The following VPS50 variants were observed in gnomAD, a reference collection of about 807,000 sequenced individuals.
VPS50 encodes the protein VPS50 subunit of EARP/GARPII complex.
VPS50 carries 70 observed loss-of-function variants against 139.7 expected under a neutral mutation model. That is an observed-to-expected ratio of 0.50 (90% CI 0.41 to 0.61). VPS50 has a LOEUF of 0.61. VPS50 is among the 20% of genes least tolerant of loss of function. VPS50 has a pLI of 0.00. For synonymous variants in VPS50, 365 were observed against 376.7 expected (o/e 0.97, Z 0.36); for missense variants, 921 against 1,133.7 (o/e 0.81, Z 2.69).
chr7:93,271,690 C>T (rs934372428), intron 10 of VPS50, among the ~76,000 whole-genome samples: 1 of 151,618 alleles, frequency 6.6e-6, no homozygotes, highest in Admixed American at 6.6e-5. Context: ...CATAGTTCAT[C>T]AAAAACGTAG....
chr7:93,354,290 CT>C (rs1182635599), intron 26 of VPS50, among the ~76,000 whole-genome samples: 36 of 120,326 alleles, frequency 3.0e-4, no homozygotes, highest in African/African-American at 1.1e-3. Context: ...TTTTTCTTTT[CT>C]TTTCTTTCTT....
intron 17 of VPS50, 26 bp from the exon 18 acceptor site, chr7:93,305,802 T>C (rs1357961475): frequency 2.5e-6 from 4 of 1,587,930 alleles, no homozygotes; most frequent in Non-Finnish European, 3.5e-6. Flanking sequence ...TGCTAAAGGG[T>C]ATCTGGCTCC....
intron 27 of VPS50, among the ~76,000 whole-genome samples, chr7:93,357,058 AAAACTTC>A (rs1214010501): frequency 6.6e-6 from 1 of 152,156 alleles, no homozygotes; most frequent in Non-Finnish European, 1.5e-5. Context: ...CAGATTGAGA[AAAACTTC>A]ACCACGTTTA....
intron 21 of VPS50, chr7:93,333,830 T>C: frequency 2.9e-6 from 1 of 347,198 alleles, no homozygotes; most frequent in South Asian, 3.1e-5. Context: ...GTTTTGCAAC[T>C]AAAAATAATG....
chr7:93,303,543 A>G lies in VPS50; in HGVS notation c.1445A>G (p.Gln482Arg). The change falls in exon 17 of 28, where the codon CAA becomes CGA. Residue 482 changes from glutamine to arginine, a missense_variant. Gln to Arg is a conservative substitution (Grantham distance 43). This residue lies in a region of VPS50 where 744 missense variants were observed against 930.6 expected (regional missense o/e 0.80). Coordinates refer to ENST00000305866, the MANE Select transcript of VPS50 (RefSeq NM_017667.4). ...CPVKSNFSIL[Q>R]LHEFKFMEQS... ...GTTAAGTCAAATTTCAGCATCTTGCAACTTCATGTAAGTGTTTCTTAAGAA... is the reference window on the plus strand; with the variant it reads ...GTTAAGTCAAATTTCAGCATCTTGCGACTTCATGTAAGTGTTTCTTAAGAA... 6.8e-7 allele frequency: 1 copy of G among 1,467,972 alleles called. No individual in the cohort carries two copies. Among genetic ancestry groups the G allele is most frequent in the South Asian group, 1.2e-5 (1 of 82,952 alleles). The allele number at this position is 1,467,972 out of a possible 1,614,324, so 90.9% of individuals were successfully genotyped here. A position where few individuals can be genotyped will look rare whatever the true frequency, so the allele number is the denominator to read the frequency against.
chr7:93,247,568 C>T (rs1451801982), intron 2 of VPS50, among the ~76,000 whole-genome samples: 2 of 151,978 alleles, frequency 1.3e-5, no homozygotes, highest in Admixed American at 1.3e-4. Context: ...TGTGAACCCA[C>T]CGTCTGATGC....
At chr7:93,274,965 C>T (rs1335763401) in intron 11 of VPS50, among the ~76,000 whole-genome samples, 1 of 152,074 alleles carries the variant, frequency 6.6e-6, no homozygotes, top group Non-Finnish European at 1.5e-5. Flanking sequence ...GAAGTTGATT[C>T]CAACCTTCAT....
chr7:93,345,031 A>C (rs1181810684), intron 23 of VPS50, among the ~76,000 whole-genome samples: 2 of 152,210 alleles, frequency 1.3e-5, no homozygotes, highest in African/African-American at 2.4e-5. Flanking sequence ...AAAATTAACG[A>C]ATCCAGGAGC....
At chr7:93,272,845 G>A (rs1796049778) in intron 11 of VPS50, 112 bp downstream of exon 11, 1 of 561,862 alleles carries the variant, frequency 1.8e-6, no homozygotes, top group Non-Finnish European at 3.1e-6. Context: ...ATTTAACGAA[G>A]TACATTTTTA....
intron 22 of VPS50, among the ~76,000 whole-genome samples, chr7:93,338,201 A>G (rs921365381): frequency 2.0e-5 from 3 of 152,206 alleles, no homozygotes; most frequent in Admixed American, 1.3e-4. Flanking sequence ...AGGATGAGAT[A>G]CAAGATAGTT....
intron 12 of VPS50, among the ~76,000 whole-genome samples, chr7:93,280,391 G>A (rs1402485241): frequency 1.3e-5 from 2 of 152,032 alleles, no homozygotes; most frequent in Admixed American, 6.6e-5. Flanking sequence ...AAACTTAGCA[G>A]CAAGATTTCC....
At chr7:93,321,768 A>T (rs550745309) in intron 20 of VPS50, among the ~76,000 whole-genome samples, 1 of 152,308 alleles carries the variant, frequency 6.6e-6, no homozygotes, top group Admixed American at 6.5e-5. Context: ...GGGAATGGAG[A>T]GGACCTCGTG....
intron 12 of VPS50, among the ~76,000 whole-genome samples, chr7:93,289,802 A>G (rs940850060): frequency 6.6e-6 from 1 of 152,080 alleles, no homozygotes; most frequent in African/African-American, 2.4e-5. Context: ...TGCCATCTTT[A>G]TCATATACCA....
chr7:93,353,619 G>C, intron 25 of VPS50, 21 bp from the exon 26 acceptor site: 1 of 1,601,280 alleles, frequency 6.2e-7, no homozygotes, highest in Non-Finnish European at 8.5e-7. Flanking sequence ...TTCACAAACA[G>C]CTACCTATTT....
intron 1 of VPS50, among the ~76,000 whole-genome samples, chr7:93,234,521 C>T (rs1433392176): frequency 6.6e-6 from 1 of 152,174 alleles, no homozygotes; most frequent in Non-Finnish European, 1.5e-5. Flanking sequence ...TATGGCTTGA[C>T]TTTCACATAT....
intron 20 of VPS50, chr7:93,320,568 A>C (rs1293842128): frequency 9.4e-6 from 1 of 106,008 alleles, no homozygotes; most frequent in African/African-American, 9.0e-5. Flanking sequence ...TCACCGTGTT[A>C]GCGGGGATGG....
chr7:93,258,396 A>G lies in VPS50; in HGVS notation c.576+4A>G. The G allele has an allele frequency of 6.2e-7, 1 of 1,612,146 alleles. No individual in the cohort carries two copies. On this transcript the variant is annotated splice_donor_region_variant and intron_variant, in intron 8 of 27. Coordinates refer to ENST00000305866, the MANE Select transcript of VPS50 (RefSeq NM_017667.4). Reference sequence around the variant, plus strand: ...ACGGTTAAGTGAAATGCTGGAGGTAAGTTAACAAGTTTTGGAAATTTAGGG... The same window carrying G: ...ACGGTTAAGTGAAATGCTGGAGGTAGGTTAACAAGTTTTGGAAATTTAGGG...
chr7:93,337,281 C>A (rs1798094166), intron 22 of VPS50, among the ~76,000 whole-genome samples: 1 of 152,172 alleles, frequency 6.6e-6, no homozygotes, highest in Non-Finnish European at 1.5e-5. Flanking sequence ...CTAAAGAATG[C>A]TTTTGTGAAA....
At position 93,347,076 on chromosome 7, in the gene VPS50, T is replaced by G. The variant is rs1798417814; in HGVS notation, c.2208-1635T>G. Among the ~76,000 whole-genome samples the G allele has an allele frequency of 1.4e-5, 2 of 147,126 alleles. 1 individual carries two copies. Among genetic ancestry groups the G allele is most frequent in the Admixed American group, 1.5e-4 (2 of 13,382 alleles). ...GGAGAAAATTTTCGCAACCTACTCA[T>G]CTGACAAAGGGCTAATATCCAGAAT... On this transcript the variant is annotated intron_variant, in intron 23 of 27. Coordinates refer to ENST00000305866, the MANE Select transcript of VPS50 (RefSeq NM_017667.4).
Sources: allele counts gnomAD v4.1 joint callset (sites outside exome capture counted in the v4.1 genomes callset), GRCh38; gene constraint gnomAD v4.1.1; regional missense constraint gnomAD v4.1.1; transcripts MANE v1.5; gene names NCBI Gene and HGNC (gene_info 2026-07-23, HGNC 2026-07-21).